Variants in CNIH3 observed in about 807,000 individuals in gnomAD.
CNIH3 encodes cornichon family AMPA receptor auxiliary protein 3, also known as protein cornichon homolog 3.
Under a neutral mutation model 24.1 loss-of-function variants are expected in CNIH3, and 14 were observed. The ratio of observed to expected loss-of-function variants is 0.58; its 90% CI spans 0.38 to 0.91. The LOEUF is 0.91. CNIH3 is among the 40% of genes least tolerant of loss of function. CNIH3 has a pLI of 0.00. For missense variants in CNIH3, 178 were observed against 196.8 expected, an observed-to-expected ratio of 0.90 and a Z score of 0.57; for synonymous variants, 68 against 73.8, an observed-to-expected ratio of 0.92 and a Z score of 0.40.
intron 1 of CNIH3, among the ~76,000 whole-genome samples, chr1:224,652,350 G>A (rs1047864155): frequency 6.6e-6 from 1 of 152,186 alleles, no homozygotes; most frequent in Admixed American, 6.5e-5. Context: ...AGGCTATGGA[G>A]TGGTCTGTGC....
intron 1 of CNIH3, among the ~76,000 whole-genome samples, chr1:224,485,296 T>C: frequency 6.6e-6 from 1 of 152,224 alleles, no homozygotes; most frequent in East Asian, 1.9e-4. Flanking sequence ...TTTCCTTTTC[T>C]TCACTGAGCT....
chr1:224,575,617 A>G (rs772330095), intron 4 of CNIH3, among the ~76,000 whole-genome samples: 7 of 152,096 alleles, frequency 4.6e-5, no homozygotes, highest in Non-Finnish European at 7.4e-5. Context: ...TACAACCTGA[A>G]TACCCTTTTC....
At chr1:224,737,636 G>A (rs1689660797) in intron 5 of CNIH3, among the ~76,000 whole-genome samples, 1 of 152,160 alleles carries the variant, frequency 6.6e-6, no homozygotes, top group Non-Finnish European at 1.5e-5. Flanking sequence ...TCTGAACTGA[G>A]CTCAGGGCTA....
In CNIH3 at chr1:224,436,340, T is replaced by G. The variant is rs558819463; in HGVS notation, n.203+1478T>G. Reference sequence around the variant, plus strand: ...ATATTAACTTTAGACAACCTTATTATTAAAAGTGTTGTTTAGGCAAAATTT... The same window carrying G: ...ATATTAACTTTAGACAACCTTATTAGTAAAAGTGTTGTTTAGGCAAAATTT... On this transcript the variant is annotated intron_variant and non_coding_transcript_variant, in intron 1 of 5. Transcript: ENST00000471578. Among the ~76,000 whole-genome samples, 281 of 152,316 alleles carry G rather than the reference T, an allele frequency of 1.8e-3. 3 individuals are homozygous for G. The highest frequency in any genetic ancestry group is 6.4e-3 in the African/African-American group (265 of 41,572).
chr1:224,621,841 GT>G (rs1683295209), intron 1 of CNIH3, among the ~76,000 whole-genome samples: 1 of 152,196 alleles, frequency 6.6e-6, no homozygotes, highest in Admixed American at 6.5e-5. Context: ...ATCTTGAATT[GT>G]AGCTCTCATA....
At chr1:224,571,451 G>A (rs1021157152) in intron 4 of CNIH3, among the ~76,000 whole-genome samples, 24 of 152,140 alleles carry the variant, frequency 1.6e-4, no homozygotes, top group Non-Finnish European at 3.2e-4. Flanking sequence ...GGGGCCAGGC[G>A]CGGTGGCTCA....
intron 1 of CNIH3, among the ~76,000 whole-genome samples, chr1:224,497,314 T>C (rs912825230): frequency 6.6e-5 from 10 of 152,212 alleles, no homozygotes; most frequent in African/African-American, 2.4e-4. Context: ...TTGCACAACA[T>C]AGTGAATATA....
chr1:224,633,662 A>G (rs986293478), intron 1 of CNIH3, among the ~76,000 whole-genome samples: 1 of 152,192 alleles, frequency 6.6e-6, no homozygotes, highest in Admixed American at 6.5e-5. Flanking sequence ...GGCTGTACAC[A>G]GTGGGAACTA....
At chr1:224,580,022 A>C (rs1424597165) in intron 4 of CNIH3, among the ~76,000 whole-genome samples, 1 of 152,168 alleles carries the variant, frequency 6.6e-6, no homozygotes, top group Non-Finnish European at 1.5e-5. Context: ...CAGTCTGTAA[A>C]TCTTCAACAG....
Position 224,566,938 on chromosome 1 carries a change from C to T in CNIH3, n.516+674C>T, listed in dbSNP as rs192936008. Among the ~76,000 whole-genome samples, 20 of 152,280 alleles carry T rather than the reference C, an allele frequency of 1.3e-4. No homozygotes were observed. In the East Asian group the frequency reaches 3.7e-3, roughly 28 times the overall value. ...TTCTAGTTCTAGATCCTTGAGGAATCGCCACACTGTCTTCTACAATGATTG... is the reference window on the plus strand; with the variant it reads ...TTCTAGTTCTAGATCCTTGAGGAATTGCCACACTGTCTTCTACAATGATTG... On this transcript the variant is annotated intron_variant and non_coding_transcript_variant, in intron 4 of 5. Coordinates refer to the CNIH3 transcript ENST00000471578.
At chr1:224,602,163 C>G (rs1315825077) in intron 3 of CNIH3, among the ~76,000 whole-genome samples, 1 of 152,164 alleles carries the variant, frequency 6.6e-6, no homozygotes, top group East Asian at 1.9e-4. Context: ...TGACATTTTA[C>G]TGTCTTGATT....
At chr1:224,612,693 A>G (rs907907618), upstream of CNIH3, among the ~76,000 whole-genome samples, 2 of 152,246 alleles carry the variant, frequency 1.3e-5, no homozygotes, top group Admixed American at 1.3e-4. This position sits in a 1 kb window ranked among gnomAD's most constrained non-coding sequence, Gnocchi z 4.7. Context: ...ACATAATTTT[A>G]GGCCTCAAAT....
In CNIH3 at chr1:224,456,167, T is replaced by C. The variant is rs1434080329; in HGVS notation, n.203+21305T>C. Among the ~76,000 whole-genome samples, 3 of 152,280 alleles carry C rather than the reference T, an allele frequency of 2.0e-5. No homozygotes were observed. The East Asian group carries it at 5.8e-4, about 29-fold the overall frequency. Reference sequence around the variant, plus strand: ...AAGTAGGATTGAAACATGCATAATATGGTCCATGAAGAGGGCACTCTTTTC... The same window carrying C: ...AAGTAGGATTGAAACATGCATAATACGGTCCATGAAGAGGGCACTCTTTTC... On this transcript the variant is annotated intron_variant and non_coding_transcript_variant, in intron 1 of 5. Transcript: ENST00000471578.
chr1:224,728,869 C>G (rs1224251473), intron 3 of CNIH3, among the ~76,000 whole-genome samples: 1 of 152,232 alleles, frequency 6.6e-6, no homozygotes, highest in South Asian at 2.1e-4. Flanking sequence ...TCTCTCCTAA[C>G]TGCCATGCAT....
chr1:224,571,240 G>A (rs367760462), intron 4 of CNIH3, among the ~76,000 whole-genome samples: 73 of 152,274 alleles, frequency 4.8e-4, no homozygotes, highest in Admixed American at 1.5e-3. Context: ...TTCTCATTGC[G>A]TTTTGAGGTC....
At chr1:224,605,840 A>G (rs1278209203) in intron 3 of CNIH3, among the ~76,000 whole-genome samples, 12 of 152,078 alleles carry the variant, frequency 7.9e-5, no homozygotes, top group African/African-American at 2.9e-4. Context: ...AAAAACCCCT[A>G]ATCTCCAAGC....
chr1:224,489,148 T>C (rs35143345), intron 1 of CNIH3, among the ~76,000 whole-genome samples: 82,125 of 151,678 alleles, frequency 0.54, 25,696 homozygotes, highest in East Asian at 0.94. Flanking sequence ...TTCTTTTTTT[T>C]AATGGTAGGC....
downstream of CNIH3, among the ~76,000 whole-genome samples, chr1:224,538,256 G>A (rs1290281320): frequency 1.3e-5 from 2 of 151,800 alleles, no homozygotes; most frequent in African/African-American, 2.4e-5. Flanking sequence ...GCCCAGACAT[G>A]TTAATTAAAG....
downstream of CNIH3, among the ~76,000 whole-genome samples, chr1:224,589,750 T>A (rs1681669685): frequency 6.6e-6 from 1 of 152,158 alleles, no homozygotes; most frequent in Admixed American, 6.5e-5. Context: ...ACTTGCAGCA[T>A]GGGATTGAGA....
Sources: allele counts gnomAD v4.1 joint callset (sites outside exome capture counted in the v4.1 genomes callset), GRCh38; gene constraint gnomAD v4.1.1; non-coding constraint Gnocchi (gnomAD v3.1); transcripts MANE v1.5; gene names NCBI Gene and HGNC (gene_info 2026-07-23, HGNC 2026-07-21).